Variants in ARFGEF1 observed in about 807,000 individuals in gnomAD.
The protein encoded by ARFGEF1 is brefeldin A-inhibited guanine nucleotide-exchange protein 1.
A neutral mutation model predicts 231.0 loss-of-function variants in ARFGEF1; 42 were observed. The observed-to-expected ratio is 0.18, with a 90% confidence interval of 0.14 to 0.24. ARFGEF1 has a LOEUF of 0.24. Ranked by LOEUF, ARFGEF1 falls within the 10% of genes least tolerant of loss-of-function variation. ARFGEF1 has a pLI of 1.00. For synonymous variants in ARFGEF1, 710 were observed against 732.3 expected (o/e 0.97, Z 0.49); for missense variants, 1,345 against 2,192.0 (o/e 0.61, Z 7.72).
intron 1 of ARFGEF1, among the ~76,000 whole-genome samples, chr8:67,307,398 G>A (rs1189721565): frequency 6.6e-6 from 1 of 152,220 alleles, no homozygotes; most frequent in East Asian, 1.9e-4. Context: ...CTCAAACTGT[G>A]TGTGTGCAAG....
intron 5 of ARFGEF1, among the ~76,000 whole-genome samples, chr8:67,293,394 A>T (rs375517382): frequency 6.6e-6 from 1 of 152,148 alleles, no homozygotes; most frequent in Non-Finnish European, 1.5e-5. Flanking sequence ...AAAGTCTGTT[A>T]ATCAAATCAA....
intron 1 of ARFGEF1, among the ~76,000 whole-genome samples, chr8:67,335,092 T>C (rs1808280216): frequency 6.6e-6 from 1 of 151,398 alleles, no homozygotes; most frequent in South Asian, 2.1e-4. Flanking sequence ...GCTAAGAGTA[T>C]CACGGTAAAT....
chr8:67,275,909 A>G, intron 9 of ARFGEF1, 67 bp downstream of exon 9: 1 of 1,581,314 alleles, frequency 6.3e-7, no homozygotes, highest in Non-Finnish European at 8.6e-7. Context: ...AAATCCAAAC[A>G]TTACCTTAAC....
chr8:67,257,115 G>C (rs1840481926), intron 17 of ARFGEF1, among the ~76,000 whole-genome samples: 1 of 151,676 alleles, frequency 6.6e-6, no homozygotes, highest in Non-Finnish European at 1.5e-5. Flanking sequence ...TCTGCCCTCT[G>C]TCACCCAGGA....
chr8:67,211,023 G>A (rs150957835), intron 34 of ARFGEF1, among the ~76,000 whole-genome samples: 3,536 of 141,384 alleles, frequency 0.025, 74 homozygotes, highest in Non-Finnish European at 0.037. Flanking sequence ...CAGCGTAGGC[G>A]ACAGGGTGAG....
chr8:67,218,577 T>C (rs1839038439), intron 30 of ARFGEF1, among the ~76,000 whole-genome samples: 1 of 151,834 alleles, frequency 6.6e-6, no homozygotes, highest in Non-Finnish European at 1.5e-5. Context: ...AAAATGACTT[T>C]CCTGAAGTAT....
At chr8:67,236,262 G>A (rs2128876721) in intron 22 of ARFGEF1, among the ~76,000 whole-genome samples, 1 of 138,256 alleles carries the variant, frequency 7.2e-6, no homozygotes, top group East Asian at 2.3e-4. Flanking sequence ...AGGTTGCAGT[G>A]AGTTGAGATC....
chr8:67,178,844 T>C (rs1320300119), intron 5 of ARFGEF1, among the ~76,000 whole-genome samples: 1 of 152,178 alleles, frequency 6.6e-6, no homozygotes, highest in East Asian at 1.9e-4. Context: ...TCTGGGACTT[T>C]GCCTTTGACA....
intron 1 of ARFGEF1, among the ~76,000 whole-genome samples, chr8:67,324,507 C>A (rs1368658452): frequency 1.3e-5 from 2 of 152,166 alleles, no homozygotes; most frequent in African/African-American, 4.8e-5. Flanking sequence ...AGCCTGAAGT[C>A]CAGAGTGATT....
intron 14 of ARFGEF1, among the ~76,000 whole-genome samples, chr8:67,262,971 T>A (rs902528009): frequency 1.3e-4 from 20 of 152,110 alleles, no homozygotes; most frequent in African/African-American, 4.1e-4. Flanking sequence ...ACCCACAATA[T>A]CCCTAAGGTA....
At chr8:67,280,360 G>T (rs1021403202) in intron 7 of ARFGEF1, among the ~76,000 whole-genome samples, 1 of 152,150 alleles carries the variant, frequency 6.6e-6, no homozygotes, top group Non-Finnish European at 1.5e-5. Context: ...TTGTTTAGTA[G>T]GTCTCCTAAC....
intron 5 of ARFGEF1, among the ~76,000 whole-genome samples, chr8:67,295,173 G>T (rs1242614912): frequency 6.6e-6 from 1 of 152,052 alleles, no homozygotes; most frequent in Non-Finnish European, 1.5e-5. Context: ...AGAGAAACAG[G>T]AAAATCATTA....
At chr8:67,319,618 G>A (rs1477912232) in intron 1 of ARFGEF1, among the ~76,000 whole-genome samples, 1 of 151,998 alleles carries the variant, frequency 6.6e-6, no homozygotes, top group Non-Finnish European at 1.5e-5. Context: ...GAAAACATAG[G>A]AGAAACTCTC....
chr8:67,291,789 C>T (rs1047475708), intron 6 of ARFGEF1, 58 bp downstream of exon 6: 14 of 1,551,942 alleles, frequency 9.0e-6, no homozygotes, highest in Admixed American at 7.8e-5. Context: ...CATCAAAACT[C>T]TCATTCCTAC....
intron 30 of ARFGEF1, among the ~76,000 whole-genome samples, chr8:67,218,885 GA>G (rs1461752363): frequency 6.6e-6 from 1 of 151,868 alleles, no homozygotes; most frequent in South Asian, 2.1e-4. Context: ...TCAAAATGAG[GA>G]AAAGAAACGA....
chr8:67,219,677 T>C, intron 29 of ARFGEF1, 117 bp from the exon 30 acceptor site: 1 of 1,093,520 alleles, frequency 9.1e-7, no homozygotes, highest in South Asian at 1.8e-5. Context: ...AGTCTGAAAT[T>C]AACACATGAC....
intron 1 of ARFGEF1, among the ~76,000 whole-genome samples, chr8:67,317,980 G>A (rs1258936916): frequency 1.3e-5 from 2 of 151,664 alleles, no homozygotes; most frequent in Non-Finnish European, 2.9e-5. Context: ...GCTCACACCT[G>A]TAATTCCAGC....
intron 7 of ARFGEF1, among the ~76,000 whole-genome samples, chr8:67,286,694 A>T (rs928497551): frequency 1.3e-5 from 2 of 151,984 alleles, no homozygotes; most frequent in Non-Finnish European, 2.9e-5. Flanking sequence ...TCTATTTTTT[A>T]TTTTTTTAAT....
At chr8:67,275,099 T>C (rs1242294609) in intron 9 of ARFGEF1, among the ~76,000 whole-genome samples, 1 of 152,096 alleles carries the variant, frequency 6.6e-6, no homozygotes, top group Non-Finnish European at 1.5e-5. Context: ...ACTCAGAAAC[T>C]GAAACACTCT....
Sources: gnomAD v4.1 joint callset for allele counts (sites outside exome capture counted in the v4.1 genomes callset) on GRCh38, gnomAD v4.1.1 for gene constraint, MANE v1.5 for transcripts, NCBI Gene and HGNC (gene_info 2026-07-23, HGNC 2026-07-21) for gene names.